MAP3K7CL: variants seen among roughly 807,000 people sequenced by gnomAD.
The protein encoded by MAP3K7CL is MAP3K7 C-terminal like.
MAP3K7CL carries 16 observed loss-of-function variants against 18.6 expected under a neutral mutation model. That is an observed-to-expected ratio of 0.86 (90% CI 0.58 to 1.31). The LOEUF (loss-of-function observed/expected upper bound fraction) is 1.31, where lower values mean the gene tolerates loss of function less well. Among genes scored for constraint, MAP3K7CL ranks in the 50% most tolerant of loss-of-function variants. MAP3K7CL has a pLI of 0.00. For synonymous variants in MAP3K7CL, 65 were observed against 66.8 expected (o/e 0.97, Z 0.13); for missense variants, 163 against 174.4 (o/e 0.93, Z 0.37).
chr21:29,174,582 C>A, intron 4 of MAP3K7CL, 130 bp from the exon 5 acceptor site: 1 of 1,119,774 alleles, frequency 8.9e-7, no homozygotes. Flanking sequence ...TCATTGGAGG[C>A]AAGTAGAGAT....
At chr21:29,162,714 A>G (rs1374642816) in intron 4 of MAP3K7CL, among the ~76,000 whole-genome samples, 1 of 152,074 alleles carries the variant, frequency 6.6e-6, no homozygotes, top group Non-Finnish European at 1.5e-5. Context: ...ATGGTAGGAT[A>G]ATGACATGAG....
chr21:29,085,673 C>G (rs887364537), upstream of MAP3K7CL: 2 of 448,382 alleles, frequency 4.5e-6, no homozygotes, highest in African/African-American at 3.9e-5. Context: ...TGTAGAAAAC[C>G]TCGTTCTCCC....
intron 4 of MAP3K7CL, among the ~76,000 whole-genome samples, chr21:29,111,645 G>A (rs950724626): frequency 6.6e-6 from 1 of 152,186 alleles, no homozygotes; most frequent in Non-Finnish European, 1.5e-5. Context: ...GGTGTAGGGA[G>A]ACAGCCTTTC....
chr21:29,149,063 C>A, intron 2 of MAP3K7CL, 126 bp from the exon 3 acceptor site: 1 of 801,886 alleles, frequency 1.2e-6, no homozygotes, highest in Non-Finnish European at 2.1e-6. Flanking sequence ...TACATTCTGT[C>A]TGTCCCCAAC....
At chr21:29,093,631 G>A (rs950920000) in intron 4 of MAP3K7CL, among the ~76,000 whole-genome samples, 11 of 151,298 alleles carry the variant, frequency 7.3e-5, no homozygotes, top group East Asian at 2.0e-4. Context: ...GCCGGCACCC[G>A]CCACCACGCC....
chr21:29,105,783 A>C (rs569544696), intron 4 of MAP3K7CL, among the ~76,000 whole-genome samples: 16 of 152,292 alleles, frequency 1.1e-4, no homozygotes, highest in African/African-American at 3.6e-4. Flanking sequence ...CCCACATTGT[A>C]TGGGACTAAG....
At chr21:29,081,876 G>A (rs567320451), upstream of MAP3K7CL, among the ~76,000 whole-genome samples, 7 of 152,138 alleles carry the variant, frequency 4.6e-5, no homozygotes, top group South Asian at 1.2e-3. Flanking sequence ...ATTGTTTGCA[G>A]CTTTTATTGA....
At chr21:29,147,899 T>C (rs2087175203) in intron 2 of MAP3K7CL, among the ~76,000 whole-genome samples, 2 of 151,908 alleles carry the variant, frequency 1.3e-5, no homozygotes, top group Non-Finnish European at 2.9e-5. Context: ...ATGTGTACTG[T>C]ATCTGTATTG....
exon 1 of MAP3K7CL, chr21:29,085,893 G>A (rs2085916986): frequency 6.2e-7 from 1 of 1,614,032 alleles, no homozygotes; most frequent in Admixed American, 1.7e-5. Context: ...TAGAAGTTAT[G>A]TGGAACGAGG....
chr21:29,172,667 G>A (rs2087869415), intron 4 of MAP3K7CL, among the ~76,000 whole-genome samples: 2 of 152,028 alleles, frequency 1.3e-5, no homozygotes, highest in Admixed American at 6.6e-5. Flanking sequence ...TATAATTTAT[G>A]AATGAATATG....
chr21:29,149,072 A>G (rs1293457026), intron 2 of MAP3K7CL, 117 bp from the exon 3 acceptor site: 4 of 863,236 alleles, frequency 4.6e-6, no homozygotes, highest in South Asian at 1.4e-5. Flanking sequence ...TCTGTCCCCA[A>G]CTGAAGTGAT....
Position 29,087,697 on chromosome 21 carries a change from G to A in MAP3K7CL, c.57+1780G>A, listed in dbSNP as rs183116879. 7.7e-3 allele frequency among the ~76,000 whole-genome samples: 1,136 copies of A among 147,300 alleles called. 13 individuals are homozygous for A. The highest frequency in any genetic ancestry group is 0.027 in the African/African-American group (1,055 of 39,784). ...CAAGCTCCGCCTCCGGGGTTCAAAC[G>A]ATTCTCTTGCCTCAGCCTCCTGAGT... On this transcript the variant is annotated intron_variant, in intron 1 of 6. Transcript: ENST00000286791.
intron 1 of MAP3K7CL, among the ~76,000 whole-genome samples, chr21:29,078,646 G>A (rs2085787682): frequency 6.6e-6 from 1 of 152,156 alleles, no homozygotes; most frequent in African/African-American, 2.4e-5. Context: ...CAGAAGGAGT[G>A]GATTGAGAGG....
At chr21:29,104,013 A>T (rs1568937525) in intron 4 of MAP3K7CL, among the ~76,000 whole-genome samples, 1 of 152,194 alleles carries the variant, frequency 6.6e-6, no homozygotes, top group Non-Finnish European at 1.5e-5. Flanking sequence ...GGAAACTGAC[A>T]ATGCTTTAAT....
intron 4 of MAP3K7CL, among the ~76,000 whole-genome samples, chr21:29,101,233 A>G (rs2086224671): frequency 6.6e-6 from 1 of 152,134 alleles, no homozygotes; most frequent in Non-Finnish European, 1.5e-5. Flanking sequence ...GGGTGTGAAA[A>G]GCAGGAAGTG....
upstream of MAP3K7CL, among the ~76,000 whole-genome samples, chr21:29,127,169 G>A (rs577450919): frequency 6.6e-6 from 1 of 152,314 alleles, no homozygotes; most frequent in Non-Finnish European, 1.5e-5. Flanking sequence ...ATAGTCTATG[G>A]TAGGAGTGTA....
intron 4 of MAP3K7CL, among the ~76,000 whole-genome samples, chr21:29,123,479 G>A (rs2086632417): frequency 1.3e-5 from 2 of 152,168 alleles, no homozygotes; most frequent in Admixed American, 6.5e-5. Flanking sequence ...TGGACAGAGA[G>A]AACAGAGAAG....
chr21:29,163,684 C>T (rs1338763377), intron 4 of MAP3K7CL, among the ~76,000 whole-genome samples: 1 of 148,966 alleles, frequency 6.7e-6, no homozygotes, highest in African/African-American at 2.5e-5. Flanking sequence ...CTAACAGGCC[C>T]CTTTCTTCCT....
At chr21:29,171,213 T>C (rs1209280788) in intron 4 of MAP3K7CL, among the ~76,000 whole-genome samples, 1 of 152,206 alleles carries the variant, frequency 6.6e-6, no homozygotes, top group African/African-American at 2.4e-5. Flanking sequence ...ACCTTTTTCT[T>C]CAATTATTTA....
Sources: allele counts gnomAD v4.1 joint callset (sites outside exome capture counted in the v4.1 genomes callset), GRCh38; gene constraint gnomAD v4.1.1; transcripts MANE v1.5; gene names NCBI Gene and HGNC (gene_info 2026-07-23, HGNC 2026-07-21).